The following FOXK1 variants were observed in gnomAD, a reference collection of about 807,000 sequenced individuals.
FOXK1 encodes the protein forkhead box protein K1.
Under a neutral mutation model 51.9 loss-of-function variants are expected in FOXK1, and 19 were observed. The observed-to-expected ratio is 0.37, with a 90% confidence interval of 0.26 to 0.54. The LOEUF is 0.54. FOXK1 is among the 20% of genes least tolerant of loss of function. The probability of loss-of-function intolerance (pLI) is 0.87; values close to 1 mark genes in which losing one functional copy is unlikely to be tolerated. For missense variants in FOXK1, 870 were observed against 1,032.7 expected (o/e 0.84, Z 2.16); for synonymous variants, 537 against 482.6 (o/e 1.11, Z -1.48).
chr7:4,688,279 A>AAAAC (rs1779845727), intron 1 of FOXK1, among the ~76,000 whole-genome samples: 1 of 152,036 alleles, frequency 6.6e-6, no homozygotes, highest in Non-Finnish European at 1.5e-5. Flanking sequence ...AAAAAAAAAA[A>AAAAC]AAACCACAGT....
At chr7:4,696,931 G>A (rs1779960591) in intron 1 of FOXK1, among the ~76,000 whole-genome samples, 1 of 152,300 alleles carries the variant, frequency 6.6e-6, no homozygotes, top group South Asian at 2.1e-4. Context: ...AGCCAGGCAT[G>A]GTGGTGTGCT....
chr7:4,744,206 C>T (rs1034756021), intron 2 of FOXK1, among the ~76,000 whole-genome samples: 21 of 151,984 alleles, frequency 1.4e-4, no homozygotes, highest in Non-Finnish European at 2.2e-4. Flanking sequence ...TTGTGGTTTG[C>T]GAAGGAGTTA....
At chr7:4,695,757 A>C (rs1779943530) in intron 1 of FOXK1, among the ~76,000 whole-genome samples, 1 of 151,926 alleles carries the variant, frequency 6.6e-6, no homozygotes, top group East Asian at 1.9e-4. Flanking sequence ...ACCAACGTGG[A>C]GAAACCCCGT....
At chr7:4,689,988 G>A (rs139032343) in intron 1 of FOXK1, among the ~76,000 whole-genome samples, 90 of 152,314 alleles carry the variant, frequency 5.9e-4, no homozygotes, top group African/African-American at 2.1e-3. Context: ...GCGAGTAGAC[G>A]TGAAAACTCA....
chr7:4,766,566 C>A lies in FOXK1; in HGVS notation c.*4102C>A, dbSNP rs538294338. ...AAGCTGGGAATGAATTTCTGAGTTG[C>A]TGAGTGTTCCCTGCTCCTAGGTACC... On this transcript the variant is annotated 3_prime_UTR_variant, in exon 9 of 9. Transcript: ENST00000328914. The surrounding 1 kb of genome is among the most constrained non-coding windows in gnomAD (Gnocchi z 5.5). The A allele has an allele frequency of 3.3e-5, 5 of 152,376 alleles. No homozygotes were observed. Among genetic ancestry groups the A allele is most frequent in the African/African-American group, 1.2e-4 (5 of 41,582 alleles). The allele number at this position is 152,376 out of a possible 1,614,324, so 9.4% of individuals were successfully genotyped here.
Position 4,770,102 on chromosome 7 carries a change from TAG to T in FOXK1, c.*7641_*7642del, listed in dbSNP as rs1157349222. Reference sequence around the variant, plus strand: ...TAAGCTGAAATGAGAGACTCTGAATTAGAGTTTTTGTTTGTTTGTTTGTTCTC... The same window carrying T: ...TAAGCTGAAATGAGAGACTCTGAATTAGTTTTTGTTTGTTTGTTTGTTCTC... On this transcript the variant is annotated 3_prime_UTR_variant, in exon 9 of 9. Coordinates refer to ENST00000328914, the MANE Select transcript of FOXK1 (RefSeq NM_001037165.2). 2 of 152,226 alleles carry T rather than the reference TAG, an allele frequency of 1.3e-5. No individual in the cohort carries two copies. The highest frequency in any genetic ancestry group is 3.8e-4 in the East Asian group (2 of 5,196). 9.4% of individuals were successfully genotyped at this position (152,226 alleles called of 1,614,324 possible).
intron 1 of FOXK1, among the ~76,000 whole-genome samples, chr7:4,706,871 T>C (rs1780108760): frequency 1.3e-5 from 2 of 152,218 alleles, no homozygotes; most frequent in South Asian, 4.1e-4. Context: ...AGCCTGGAAC[T>C]GCTGGGTCGG....
At position 4,759,226 on chromosome 7, in the gene FOXK1, C is replaced by T. The variant is rs527250909; in HGVS notation, c.1411+9C>T. On this transcript the variant is annotated intron_variant, in intron 6 of 8. Coordinates refer to ENST00000328914, the MANE Select transcript of FOXK1 (RefSeq NM_001037165.2). ...TTCCCAAAGCGCACCCGGTAAGGAG[C>T]GGGCGGCCCTCTTGCGGGGCGGGGC... 36 of 1,337,900 alleles carry T rather than the reference C, an allele frequency of 2.7e-5. No individual in the cohort carries two copies. The highest frequency in any genetic ancestry group is 3.7e-5 in the Admixed American group (2 of 54,650). 82.9% of individuals were successfully genotyped at this position (1,337,900 alleles called of 1,614,324 possible).
chr7:4,744,113 C>T lies in FOXK1; in HGVS notation c.746+3090C>T, dbSNP rs1039030875. ...GAAAGAAAAATGTTTTGGTTTGCTC[C>T]GGGAGGGGGCTTAAAAAAATAAAAC... On this transcript the variant is annotated intron_variant, in intron 2 of 8. Coordinates refer to ENST00000328914, the MANE Select transcript of FOXK1 (RefSeq NM_001037165.2). Among the ~76,000 whole-genome samples the T allele has an allele frequency of 5.3e-5, 8 of 152,044 alleles. No individual in the cohort carries two copies. The South Asian group carries it at 6.2e-4, about 12-fold the overall frequency.
In FOXK1 at chr7:4,733,175, C is replaced by T. The variant is rs940418349; in HGVS notation, c.561-7663C>T. Among the ~76,000 whole-genome samples, 9 of 151,644 alleles carry T rather than the reference C, an allele frequency of 5.9e-5. No homozygotes were observed. In the South Asian group the frequency reaches 6.3e-4, roughly 11 times the overall value. ...CCAAGTTTGTTTCTTTTATACGTGA[C>T]GGTCTTTTTTTTTTTAATTTTATTA... On this transcript the variant is annotated intron_variant, in intron 1 of 8. Coordinates refer to ENST00000328914, the MANE Select transcript of FOXK1 (RefSeq NM_001037165.2). This position sits in a 1 kb window ranked among gnomAD's most constrained non-coding sequence, Gnocchi z 5.0.
At position 4,770,086 on chromosome 7, in the gene FOXK1, A is replaced by G. The variant is rs1026962875; in HGVS notation, c.*7622A>G. On this transcript the variant is annotated 3_prime_UTR_variant, in exon 9 of 9. Coordinates refer to ENST00000328914, the MANE Select transcript of FOXK1 (RefSeq NM_001037165.2). ...CTCCAAATGTGTTGGCTAAGCTGAA[A>G]TGAGAGACTCTGAATTAGAGTTTTT... The G allele has an allele frequency of 2.0e-5, 3 of 152,258 alleles. No individual in the cohort carries two copies. Among genetic ancestry groups the G allele is most frequent in the African/African-American group, 7.2e-5 (3 of 41,460 alleles). The allele number at this position is 152,258 out of a possible 1,614,324, so 9.4% of individuals were successfully genotyped here.
intron 1 of FOXK1, among the ~76,000 whole-genome samples, chr7:4,717,747 G>T (rs1780254944): frequency 6.6e-6 from 1 of 152,134 alleles, no homozygotes; most frequent in South Asian, 2.1e-4. Context: ...GGAGGCGCTT[G>T]AACCCTGCCT....
Position 4,713,678 on chromosome 7 carries a change from G to C in FOXK1, c.561-27160G>C, listed in dbSNP as rs577621092. 2.3e-3 allele frequency among the ~76,000 whole-genome samples: 342 copies of C among 151,796 alleles called. 1 individual carries two copies. The highest frequency in any genetic ancestry group is 4.3e-3 in the Non-Finnish European group (294 of 67,926). ...AGCTAATTTTTGTAATGTTAGTAGA[G>C]ACAGGGTTTCACTGTGTTGGTCAGG... On this transcript the variant is annotated intron_variant, in intron 1 of 8. Coordinates refer to ENST00000328914, the MANE Select transcript of FOXK1 (RefSeq NM_001037165.2).
rs1780148128 is a variant in FOXK1, at chr7:4,709,532, G to T, written c.560+26664G>T. 6.6e-6 allele frequency among the ~76,000 whole-genome samples: 1 copy of T among 152,218 alleles called. No homozygotes were observed. The highest frequency in any genetic ancestry group is 1.5e-5 in the Non-Finnish European group (1 of 68,040). Reference sequence around the variant, plus strand: ...GCAGATCGAGGCTGGCCCGTGACCGGGGCAGGCGGACCTTCTCCGGGAGCC... The same window carrying T: ...GCAGATCGAGGCTGGCCCGTGACCGTGGCAGGCGGACCTTCTCCGGGAGCC... On this transcript the variant is annotated intron_variant, in intron 1 of 8. Coordinates refer to ENST00000328914, the MANE Select transcript of FOXK1 (RefSeq NM_001037165.2). This position sits in a 1 kb window ranked among gnomAD's most constrained non-coding sequence, Gnocchi z 5.6.
At chr7:4,718,278 C>G (rs1780263975) in intron 1 of FOXK1, among the ~76,000 whole-genome samples, 1 of 152,248 alleles carries the variant, frequency 6.6e-6, no homozygotes. Flanking sequence ...GGTCACCACG[C>G]AGAGCCATCC....
At position 4,754,632 on chromosome 7, in the gene FOXK1, C is replaced by T. The variant is rs146424532; in HGVS notation, c.903+17C>T. 6.0e-3 allele frequency: 9,609 copies of T among 1,597,502 alleles called. 55 individuals are homozygous for T. The highest frequency in any genetic ancestry group is 0.029 in the African/African-American group (2,171 of 74,966). On this transcript the variant is annotated intron_variant, in intron 3 of 8. Transcript: ENST00000328914. ...AGCCCCAAGGTCTGAGCCCACCTGG[C>T]GCCGTGGTGCACCTGGTGACCCAGG...
intron 1 of FOXK1, among the ~76,000 whole-genome samples, chr7:4,705,554 T>TCTCTCTCTCTCTCTCTCTCG (rs895937029): frequency 9.1e-5 from 12 of 131,588 alleles, no homozygotes; most frequent in African/African-American, 3.5e-4. Context: ...TCTCTCTCTC[T>TCTCTCTCTCTCTCTCTCTCG]CTCTCGCTCT....
chr7:4,712,687 G>A (rs1780189696), intron 1 of FOXK1, among the ~76,000 whole-genome samples: 1 of 152,150 alleles, frequency 6.6e-6, no homozygotes, highest in African/African-American at 2.4e-5. Flanking sequence ...TACACCTCAA[G>A]GGTTTCCGAT....
chr7:4,726,161 G>A (rs1246882337), intron 1 of FOXK1, among the ~76,000 whole-genome samples: 1 of 152,094 alleles, frequency 6.6e-6, no homozygotes, highest in African/African-American at 2.4e-5. Flanking sequence ...TTTGAATTTG[G>A]ATAGGAATGT....
Sources: gnomAD v4.1 joint callset for allele counts (sites outside exome capture counted in the v4.1 genomes callset) on GRCh38, gnomAD v4.1.1 for gene constraint, Gnocchi (gnomAD v3.1) non-coding constraint, MANE v1.5 for transcripts, NCBI Gene and HGNC (gene_info 2026-07-23, HGNC 2026-07-21) for gene names.